COG5: variants seen among roughly 807,000 people sequenced by gnomAD.
The protein encoded by COG5 is conserved oligomeric Golgi complex subunit 5.
In COG5, 86 loss-of-function variants were observed where a neutral mutation model predicts 110.4. The observed-to-expected ratio is 0.78, with a 90% CI of 0.65 to 0.93. The LOEUF (loss-of-function observed/expected upper bound fraction) is 0.93. COG5 is among the 40% of genes least tolerant of loss of function. COG5 has a pLI of 0.00. For synonymous variants in COG5, 360 were observed against 334.6 expected (o/e 1.08, Z -0.83); for missense variants, 1,077 against 987.0 (o/e 1.09, Z -1.22).
chr7:107,384,452 G>C (rs1328763777), intron 7 of COG5, among the ~76,000 whole-genome samples: 1 of 152,120 alleles, frequency 6.6e-6, no homozygotes, highest in East Asian at 1.9e-4. Flanking sequence ...TGGAACCTGG[G>C]ATTTGAACTG....
chr7:107,281,498 T>C, intron 13 of COG5, 99 bp from the exon 14 acceptor site: 2 of 868,358 alleles, frequency 2.3e-6, no homozygotes, highest in Non-Finnish European at 3.8e-6. Context: ...AATGTGGTTA[T>C]TCTTTTTATA....
intron 6 of COG5, among the ~76,000 whole-genome samples, chr7:107,460,392 C>G (rs1392583045): frequency 2.0e-5 from 3 of 146,982 alleles, no homozygotes; most frequent in African/African-American, 7.5e-5. Flanking sequence ...AACTCTGCCT[C>G]AAAAAGAAAA....
intron 11 of COG5, among the ~76,000 whole-genome samples, chr7:107,315,571 T>C (rs1808655525): frequency 2.0e-5 from 3 of 152,166 alleles, no homozygotes; most frequent in Admixed American, 1.3e-4. Flanking sequence ...AGAACTTTTT[T>C]TTTTTTTAAC....
Position 107,514,371 on chromosome 7 carries a change from T to C in COG5, c.538+12866A>G, listed in dbSNP as rs556187479. Among the ~76,000 whole-genome samples, 917 of 141,932 alleles carry C rather than the reference T, an allele frequency of 6.5e-3. 8 individuals carry two copies. The highest frequency in any genetic ancestry group is 0.023 in the African/African-American group (820 of 35,922). The allele number at this position is 141,932 out of a possible 152,430, so 93.1% of individuals were successfully genotyped here. On this transcript the variant is annotated intron_variant, in intron 6 of 21. Coordinates refer to ENST00000297135, the MANE Select transcript of COG5 (RefSeq NM_006348.5). Reference sequence around the variant, plus strand: ...ACACACACACACACACACACACACATATTTTATATTTTGGTTTATTATGAG... The same window carrying C: ...ACACACACACACACACACACACACACATTTTATATTTTGGTTTATTATGAG...
At chr7:107,426,803 A>C (rs1793673042) in intron 6 of COG5, among the ~76,000 whole-genome samples, 1 of 152,202 alleles carries the variant, frequency 6.6e-6, no homozygotes, top group African/African-American at 2.4e-5. Flanking sequence ...CATTCAGATC[A>C]AAGTTTGATT....
intron 6 of COG5, among the ~76,000 whole-genome samples, chr7:107,456,805 C>G (rs1795692061): frequency 6.6e-6 from 1 of 152,206 alleles, no homozygotes; most frequent in Non-Finnish European, 1.5e-5. Context: ...AATATTCTAG[C>G]TTGGAATGCT....
intron 19 of COG5, among the ~76,000 whole-genome samples, chr7:107,224,385 T>C (rs1207059059): frequency 6.6e-6 from 1 of 152,226 alleles, no homozygotes; most frequent in Non-Finnish European, 1.5e-5. Context: ...ATTCTAGTTA[T>C]TGACAGTTTT....
At chr7:107,437,665 T>C (rs1374653714) in intron 6 of COG5, among the ~76,000 whole-genome samples, 2 of 152,194 alleles carry the variant, frequency 1.3e-5, no homozygotes, top group Non-Finnish European at 2.9e-5. Flanking sequence ...TTTTAATTTA[T>C]ATATATTTAG....
chr7:107,220,709 A>G (rs1161826808), intron 19 of COG5, among the ~76,000 whole-genome samples: 2 of 152,180 alleles, frequency 1.3e-5, no homozygotes, highest in East Asian at 1.9e-4. Context: ...AAAAAGTGTA[A>G]TAAGAAGTCC....
At position 107,362,070 on chromosome 7, in the gene COG5, G is replaced by A; in HGVS notation, c.989C>T (p.Pro330Leu). The A allele has an allele frequency of 6.2e-7, 1 of 1,609,082 alleles. No homozygotes were observed. The highest frequency in any genetic ancestry group is 8.5e-7 in the Non-Finnish European group (1 of 1,176,124). Residue 330 changes from proline to leucine, a missense_variant, in exon 10 of 22, where the codon CCT (proline) becomes CTT (leucine). Physicochemically the swap from Pro to Leu is moderately conservative, Grantham distance 98. Transcript: ENST00000297135. ...TTCAATGAAACAAATGTGAGAAACA[G>A]GATCTCTCTTCTTGGCCAATACTTT... ...LQKVLAKKRD[P>L]VSHICFIEEI...
chr7:107,407,263 T>C (rs952816729), intron 7 of COG5, among the ~76,000 whole-genome samples: 2 of 152,040 alleles, frequency 1.3e-5, no homozygotes, highest in African/African-American at 2.4e-5. Context: ...GTGCCTGTAA[T>C]CCCAGCTACT....
Position 107,298,162 on chromosome 7 carries a change from T to A in COG5, c.1293A>T (p.Ile431=), listed in dbSNP as rs764180433. The A allele has an allele frequency of 6.3e-7, 1 of 1,583,300 alleles. No individual in the cohort carries two copies. The highest frequency in any genetic ancestry group is 2.3e-5 in the East Asian group (1 of 44,194). ...HMEDDAQDIF[I]PKKPDYDPEK... ...CATACTCATAATCTGGCTTTTTTGG[T>A]ATGAATATATCTTGTGCATCATCTT... is the stretch of plus-strand genomic sequence containing the variant. Residue 431 remains isoleucine, a synonymous_variant, in exon 12 of 22, where the codon ATA becomes ATT. Coordinates refer to ENST00000297135, the MANE Select transcript of COG5 (RefSeq NM_006348.5).
chr7:107,378,137 A>G (rs1268540949), intron 7 of COG5, among the ~76,000 whole-genome samples: 2 of 152,192 alleles, frequency 1.3e-5, no homozygotes, highest in East Asian at 3.9e-4. Context: ...CAGGGTCTGG[A>G]GCGGACCTCC....
At chr7:107,353,840 G>A (rs1318106538) in intron 10 of COG5, among the ~76,000 whole-genome samples, 1 of 151,616 alleles carries the variant, frequency 6.6e-6, no homozygotes, top group Non-Finnish European at 1.5e-5. Context: ...AACTAGTAAA[G>A]CATTACAGAA....
chr7:107,520,866 G>T (rs891593332), intron 6 of COG5, among the ~76,000 whole-genome samples: 4 of 152,110 alleles, frequency 2.6e-5, no homozygotes, highest in African/African-American at 7.2e-5. Flanking sequence ...AACAAAACTG[G>T]AGGCATCATG....
intron 6 of COG5, among the ~76,000 whole-genome samples, chr7:107,517,326 C>T (rs1344466731): frequency 6.6e-6 from 1 of 151,854 alleles, no homozygotes; most frequent in Non-Finnish European, 1.5e-5. Flanking sequence ...AACAAAATCT[C>T]GGAGAAATAT....
rs79963638 is a variant in COG5 at position 107,347,340 on chromosome 7, G to A, written c.1026+14693C>T. ...TAGGTAAATAATTACCACTGGGGAG[G>A]GGGATGAGAGAGAGAGAATGAATCA... On this transcript the variant is annotated intron_variant, in intron 10 of 21. Transcript: ENST00000297135. Among the ~76,000 whole-genome samples the A allele has an allele frequency of 3.8e-3, 583 of 152,242 alleles. 5 individuals are homozygous for A. The highest frequency in any genetic ancestry group is 0.014 in the African/African-American group (563 of 41,528).
chr7:107,446,548 A>G (rs764824048), intron 6 of COG5, among the ~76,000 whole-genome samples: 2 of 152,204 alleles, frequency 1.3e-5, no homozygotes, highest in African/African-American at 4.8e-5. Flanking sequence ...TACAGCAAAC[A>G]TAACGATACA....
intron 21 of COG5, chr7:107,209,296 G>T (rs1798992564): frequency 1.1e-6 from 1 of 952,334 alleles, no homozygotes; most frequent in Non-Finnish European, 1.3e-6. Flanking sequence ...ATGATGTAAA[G>T]GTTTTCCGGC....
Sources: allele counts gnomAD v4.1 joint callset (sites outside exome capture counted in the v4.1 genomes callset), GRCh38; gene constraint gnomAD v4.1.1; transcripts MANE v1.5; gene names NCBI Gene and HGNC (gene_info 2026-07-23, HGNC 2026-07-21).